PINX1: variants seen among roughly 807,000 people sequenced by gnomAD.
PINX1 encodes PIN2 (TERF1) interacting telomerase inhibitor 1.
In PINX1, 34 loss-of-function variants were observed where a neutral mutation model predicts 25.4. The ratio of observed to expected loss-of-function variants is 1.34; its 90% CI spans 1.02 to 1.78. PINX1 has a LOEUF of 1.78. Among genes scored for constraint, PINX1 ranks in the 40% most tolerant of loss-of-function variants. PINX1 has a pLI of 0.00. For synonymous variants in PINX1, 197 were observed against 147.7 expected, an observed-to-expected ratio of 1.33 and a Z score of -2.42; for missense variants, 592 against 404.9, an observed-to-expected ratio of 1.46 and a Z score of -3.97.
rs566290162 is a variant in PINX1, at chr8:10,792,173, G to A, written c.472-26257C>T. Among the ~76,000 whole-genome samples the A allele has an allele frequency of 9.2e-5, 14 of 152,228 alleles. No individual in the cohort carries two copies. The East Asian group carries it at 1.6e-3, about 17-fold the overall frequency. ...GGATGACAGCAGGCCCCGCAGATGC[G>A]CTGGCCTCGCTCTCCCTGCACTCTC... On this transcript the variant is annotated intron_variant, in intron 6 of 6. Coordinates refer to ENST00000314787, the MANE Select transcript of PINX1 (RefSeq NM_017884.6).
At chr8:10,766,472 C>G (rs1801050899) in intron 6 of PINX1, among the ~76,000 whole-genome samples, 1 of 152,224 alleles carries the variant, frequency 6.6e-6, no homozygotes, top group Non-Finnish European at 1.5e-5. Flanking sequence ...GGCACCCTTT[C>G]TCCCCCAAAG....
chr8:10,801,860 C>T (rs1391514151), intron 6 of PINX1, among the ~76,000 whole-genome samples: 1 of 152,204 alleles, frequency 6.6e-6, no homozygotes, highest in Admixed American at 6.5e-5. Context: ...GAACCTCCAT[C>T]GCTGACCACG....
chr8:10,767,579 T>G (rs995408329), intron 6 of PINX1, among the ~76,000 whole-genome samples: 2 of 152,232 alleles, frequency 1.3e-5, no homozygotes, highest in African/African-American at 4.8e-5. Flanking sequence ...CTCAGGAGAT[T>G]TGTCTTTTTG....
rs766629957 is a variant in PINX1, at chr8:10,826,293, C to T, written c.302-49G>A. Reference sequence around the variant, plus strand: ...CATTAAAGTCTTTCTAATCCAATCTCATTTATTCTCCTAACAGTGGATAGT... The same window carrying T: ...CATTAAAGTCTTTCTAATCCAATCTTATTTATTCTCCTAACAGTGGATAGT... On this transcript the variant is annotated intron_variant, in intron 4 of 6. Transcript: ENST00000314787. 5.9e-6 allele frequency: 6 copies of T among 1,014,304 alleles called. No individual in the cohort carries two copies. In the African/African-American group the frequency reaches 9.7e-5, roughly 16 times the overall value. The allele number at this position is 1,014,304 out of a possible 1,614,324, so 62.8% of individuals were successfully genotyped here. A position where few individuals can be genotyped will look rare whatever the true frequency, so the allele number is the denominator to read the frequency against.
intron 6 of PINX1, among the ~76,000 whole-genome samples, chr8:10,817,399 A>G (rs1406409430): frequency 6.6e-6 from 1 of 152,226 alleles, no homozygotes; most frequent in African/African-American, 2.4e-5. Flanking sequence ...GCCTTTGACT[A>G]TAAGGGCTGT....
chr8:10,773,848 C>A (rs1481361075), intron 6 of PINX1, among the ~76,000 whole-genome samples: 1 of 152,210 alleles, frequency 6.6e-6, no homozygotes, highest in Non-Finnish European at 1.5e-5. Context: ...AGGCTTCCTG[C>A]CTCCCTGAAA....
chr8:10,822,299 A>C (rs1035968882), intron 5 of PINX1, among the ~76,000 whole-genome samples: 7 of 152,220 alleles, frequency 4.6e-5, no homozygotes, highest in African/African-American at 1.4e-4. Context: ...AAATACGACA[A>C]ATTTAAAAAG....
At chr8:10,785,142 T>G (rs1383382672) in intron 6 of PINX1, among the ~76,000 whole-genome samples, 1 of 152,228 alleles carries the variant, frequency 6.6e-6, no homozygotes, top group Non-Finnish European at 1.5e-5. Flanking sequence ...AAACAGAAAT[T>G]TCTGGTTGTT....
At chr8:10,829,690 C>CT (rs35878893) in intron 4 of PINX1, among the ~76,000 whole-genome samples, 61,261 of 148,440 alleles carry the variant, frequency 0.41, 13,559 homozygotes, top group African/African-American at 0.59. Context: ...TTCTTACATT[C>CT]TTTTTTTTTT....
intron 6 of PINX1, among the ~76,000 whole-genome samples, chr8:10,818,787 G>C (rs1424036834): frequency 6.6e-6 from 1 of 152,170 alleles, no homozygotes; most frequent in Non-Finnish European, 1.5e-5. Context: ...AGGAGATGGA[G>C]TTCAAGAGGC....
chr8:10,825,264 T>C, intron 5 of PINX1: 1 of 512,738 alleles, frequency 2.0e-6, no homozygotes, highest in Non-Finnish European at 4.0e-6. Context: ...AATGCCCTGA[T>C]ACGCATGACA....
chr8:10,813,873 G>A (rs1554491924), intron 6 of PINX1, among the ~76,000 whole-genome samples: 1 of 150,394 alleles, frequency 6.6e-6, no homozygotes, highest in Non-Finnish European at 1.5e-5. Flanking sequence ...GAGAGAGGAA[G>A]GAAACTGGGA....
intron 5 of PINX1, among the ~76,000 whole-genome samples, chr8:10,825,073 T>C (rs191703049): frequency 5.3e-5 from 8 of 152,098 alleles, no homozygotes; most frequent in African/African-American, 1.4e-4. Flanking sequence ...AGGCCCAGCC[T>C]CTCCCTGCAC....
chr8:10,828,046 C>T (rs1158777302), intron 4 of PINX1, among the ~76,000 whole-genome samples: 1 of 152,114 alleles, frequency 6.6e-6, no homozygotes, highest in African/African-American at 2.4e-5. Flanking sequence ...GACTGCACTG[C>T]AACCCCTCCC....
intron 5 of PINX1, chr8:10,825,317 C>T: frequency 1.9e-6 from 1 of 534,434 alleles, no homozygotes; most frequent in South Asian, 1.4e-5. Context: ...CCTGGCATAT[C>T]AAGGTAGAAA....
At chr8:10,784,220 T>G (rs1035940941) in intron 6 of PINX1, among the ~76,000 whole-genome samples, 2 of 152,250 alleles carry the variant, frequency 1.3e-5, no homozygotes, top group Non-Finnish European at 2.9e-5. Context: ...GAGGCTGATC[T>G]AAAACGAAAT....
chr8:10,834,577 T>G (rs1798337115), intron 2 of PINX1, 89 bp downstream of exon 2: 1 of 1,492,098 alleles, frequency 6.7e-7, no homozygotes, highest in Admixed American at 2.4e-5. Context: ...AAAGCATAAG[T>G]TTCTTCCAGT....
intron 5 of PINX1, among the ~76,000 whole-genome samples, chr8:10,824,985 G>A (rs982435031): frequency 6.6e-6 from 1 of 152,178 alleles, no homozygotes; most frequent in Non-Finnish European, 1.5e-5. Flanking sequence ...GAAGGGATAC[G>A]GGCGACAGCC....
At chr8:10,803,459 T>C (rs926805353) in intron 6 of PINX1, among the ~76,000 whole-genome samples, 12 of 152,232 alleles carry the variant, frequency 7.9e-5, no homozygotes, top group African/African-American at 2.9e-4. Context: ...TTTAGGGTTT[T>C]TCTAGTTACC....
Sources: allele counts gnomAD v4.1 joint callset (sites outside exome capture counted in the v4.1 genomes callset), GRCh38; gene constraint gnomAD v4.1.1; transcripts MANE v1.5; gene names NCBI Gene and HGNC (gene_info 2026-07-23, HGNC 2026-07-21).